Variants in MAP1B observed in about 807,000 individuals in gnomAD.
The protein encoded by MAP1B is microtubule associated protein 1B, also known as microtubule-associated protein 1B.
In MAP1B, 12 loss-of-function variants were observed where a neutral mutation model predicts 176.1. That is an observed-to-expected ratio of 0.07 (90% CI 0.04 to 0.11). The LOEUF (loss-of-function observed/expected upper bound fraction) is 0.11. Among genes scored for constraint, MAP1B ranks in the 10% least tolerant of loss-of-function variants. The pLI is 1.00. For missense variants in MAP1B, 2,523 were observed against 2,990.5 expected (o/e 0.84, Z 3.65); for synonymous variants, 1,044 against 1,135.0 (o/e 0.92, Z 1.61).
intron 2 of MAP1B, among the ~76,000 whole-genome samples, chr5:72,158,315 C>G (rs947313492): frequency 6.6e-6 from 1 of 151,998 alleles, no homozygotes; most frequent in Admixed American, 6.6e-5. Flanking sequence ...GCCTATCCCC[C>G]GATTCTTATG....
At position 72,207,626 on chromosome 5, in the gene MAP1B, A is replaced by G. The variant is rs1463976484; in HGVS notation, c.*2387A>G. On this transcript the variant is annotated 3_prime_UTR_variant, in exon 7 of 7. Coordinates refer to ENST00000296755, the MANE Select transcript of MAP1B (RefSeq NM_005909.5). ...AACACATGATGGAAAAGTCATTGTG[A>G]CGCCAATGAATTTCATTGAGTATAA... The G allele has an allele frequency of 2.0e-5, 3 of 152,222 alleles. No individual in the cohort carries two copies. Among genetic ancestry groups the G allele is most frequent in the Admixed American group, 2.0e-4 (3 of 15,278 alleles). 9.4% of individuals were successfully genotyped at this position (152,222 alleles called of 1,614,324 possible).
At chr5:72,116,306 T>C (rs1284637375) in intron 2 of MAP1B, 2 of 305,974 alleles carry the variant, frequency 6.5e-6, no homozygotes, top group Admixed American at 1.0e-4. Context: ...AAATGAAATA[T>C]ACATCATCAT....
chr5:72,199,121 C>T lies in MAP1B; in HGVS notation c.5766C>T (p.Ser1922=). 1 of 1,614,112 alleles carries T rather than the reference C, an allele frequency of 6.2e-7. No individual in the cohort carries two copies. Among genetic ancestry groups the T allele is most frequent in the Non-Finnish European group, 8.5e-7 (1 of 1,180,018 alleles). ...TTKSPSDSGY[S]YETIGKTTKT... is the part of the protein sequence containing the mutation. ...AATCTCCAAGTGACAGTGGCTACTC[C>T]TATGAGACCATTGGGAAAACTACCA... The change falls in exon 5 of 7, where the codon TCC becomes TCT. Residue 1922 remains serine, a synonymous_variant. Coordinates refer to ENST00000296755, the MANE Select transcript of MAP1B (RefSeq NM_005909.5). This position sits in a 1 kb window ranked among gnomAD's most constrained non-coding sequence, Gnocchi z 4.2.
intron 2 of MAP1B, among the ~76,000 whole-genome samples, chr5:72,178,729 T>G (rs866155756): frequency 1.8e-3 from 228 of 128,368 alleles, no homozygotes; most frequent in African/African-American, 5.4e-3. Flanking sequence ...CTGAGGGGTG[T>G]GTGTGTGTGT....
Position 72,183,839 on chromosome 5 carries a change from T to A in MAP1B, c.369+14T>A, listed in dbSNP as rs1746834492. On this transcript the variant is annotated intron_variant, in intron 3 of 6. Transcript: ENST00000296755. The stretch of plus-strand genomic sequence containing the variant: ...GTCAGCACCGAGGTAAGCATTCAGC[T>A]CTGTAGAATCTGGGGCCGGGCCCCA... The A allele has an allele frequency of 1.9e-6, 3 of 1,611,674 alleles. No homozygotes were observed. The highest frequency in any genetic ancestry group is 1.3e-5 in the African/African-American group (1 of 74,842).
chr5:72,120,679 G>GC (rs1422122640), intron 2 of MAP1B, among the ~76,000 whole-genome samples: 4 of 151,902 alleles, frequency 2.6e-5, no homozygotes, highest in Non-Finnish European at 5.9e-5. Context: ...GCCCACTTCA[G>GC]CCTCCCAAAG....
intron 2 of MAP1B, among the ~76,000 whole-genome samples, chr5:72,130,605 C>T (rs1372906029): frequency 1.3e-5 from 2 of 152,172 alleles, no homozygotes; most frequent in African/African-American, 4.8e-5. Context: ...TTTACAAAAA[C>T]TATCAATTAC....
intron 2 of MAP1B, among the ~76,000 whole-genome samples, chr5:72,129,291 C>G (rs1383171636): frequency 6.6e-6 from 1 of 152,192 alleles, no homozygotes; most frequent in Non-Finnish European, 1.5e-5. Flanking sequence ...TGTGGTGGCT[C>G]ACGCCTGTAA....
At position 72,116,150 on chromosome 5, in the gene MAP1B, T is replaced by C. The variant is rs139289442; in HGVS notation, c.286+351T>C. The C allele has an allele frequency of 3.7e-3, 1,173 of 320,422 alleles. 11 individuals are homozygous for C. Among genetic ancestry groups the C allele is most frequent in the African/African-American group, 0.024 (1,120 of 46,294 alleles). The allele number at this position is 320,422 out of a possible 1,614,324, so 19.8% of individuals were successfully genotyped here. On this transcript the variant is annotated intron_variant, in intron 2 of 6. Transcript: ENST00000296755. ...AGAGATAGTATAGTGTGTGTATGTGTATCTCACTGTACTCTGAGCTCAAGG... is the reference window on the plus strand; with the variant it reads ...AGAGATAGTATAGTGTGTGTATGTGCATCTCACTGTACTCTGAGCTCAAGG...
chr5:72,149,044 G>T (rs1746094863), intron 2 of MAP1B, among the ~76,000 whole-genome samples: 1 of 152,166 alleles, frequency 6.6e-6, no homozygotes, highest in African/African-American at 2.4e-5. Flanking sequence ...CACCCTCCAT[G>T]AGAGTAGAGA....
Position 72,138,980 on chromosome 5 carries a change from A to G in MAP1B, c.286+23181A>G, listed in dbSNP as rs952507964. 7.9e-5 allele frequency among the ~76,000 whole-genome samples: 12 copies of G among 152,158 alleles called. No homozygotes were observed. The South Asian group carries it at 2.5e-3, about 32-fold the overall frequency. ...GGAAAAAGTATACACATTTTCAAAAATGGTAAGCCAAGCATTGGAGACATG... is the reference window on the plus strand; with the variant it reads ...GGAAAAAGTATACACATTTTCAAAAGTGGTAAGCCAAGCATTGGAGACATG... On this transcript the variant is annotated intron_variant, in intron 2 of 6. Transcript: ENST00000296755.
chr5:72,182,806 C>G (rs1303321430), intron 2 of MAP1B, among the ~76,000 whole-genome samples: 2 of 152,218 alleles, frequency 1.3e-5, no homozygotes, highest in African/African-American at 2.4e-5. Context: ...ATGCGTCTCC[C>G]TCCCACATTT....
intron 2 of MAP1B, chr5:72,179,684 C>T: frequency 1.0e-6 from 1 of 985,498 alleles, no homozygotes; most frequent in Non-Finnish European, 1.2e-6. Context: ...ATCTGGCCAA[C>T]AGTCTGGCCG....
At chr5:72,121,295 C>T (rs112222884) in intron 2 of MAP1B, among the ~76,000 whole-genome samples, 10,587 of 152,318 alleles carry the variant, frequency 0.07, 503 homozygotes, top group Non-Finnish European at 0.1. Flanking sequence ...TGACTATAGA[C>T]GTTGCCAGGT....
At chr5:72,112,542 G>A (rs758349827) in intron 1 of MAP1B, among the ~76,000 whole-genome samples, 1 of 152,042 alleles carries the variant, frequency 6.6e-6, no homozygotes, top group African/African-American at 2.4e-5. Flanking sequence ...TCTCATCTGT[G>A]TATATCATGT....
chr5:72,160,279 C>A (rs1369405185), intron 2 of MAP1B, among the ~76,000 whole-genome samples: 1 of 151,250 alleles, frequency 6.6e-6, no homozygotes, highest in Non-Finnish European at 1.5e-5. Context: ...TTGGAAAAGA[C>A]TCTGAAAAAG....
At chr5:72,205,061 A>ATTTTTTT in intron 6 of MAP1B, 23 bp from the exon 7 acceptor site, 1 of 1,445,324 alleles carries the variant, frequency 6.9e-7, no homozygotes, top group Admixed American at 2.0e-5. Flanking sequence ...TTAAATAGCT[A>ATTTTTTT]TTTTTTTTTT....
At chr5:72,124,421 G>A (rs1745586805) in intron 2 of MAP1B, among the ~76,000 whole-genome samples, 1 of 152,192 alleles carries the variant, frequency 6.6e-6, no homozygotes, top group South Asian at 2.1e-4. Flanking sequence ...TGAAATTGAT[G>A]CTTATAGAAA....
At chr5:72,121,019 A>G (rs1745519194) in intron 2 of MAP1B, among the ~76,000 whole-genome samples, 1 of 152,240 alleles carries the variant, frequency 6.6e-6, no homozygotes, top group Non-Finnish European at 1.5e-5. Context: ...GGGTGACAAC[A>G]TTCTATGGCT....
Sources: allele counts gnomAD v4.1 joint callset (sites outside exome capture counted in the v4.1 genomes callset), GRCh38; gene constraint gnomAD v4.1.1; non-coding constraint Gnocchi (gnomAD v3.1); transcripts MANE v1.5; gene names NCBI Gene and HGNC (gene_info 2026-07-23, HGNC 2026-07-21).